CIDEB: variants seen among roughly 807,000 people sequenced by gnomAD.
CIDEB encodes the protein lipid transferase CIDEB.
In CIDEB, 27 loss-of-function variants were observed where a neutral mutation model predicts 22.4. That is an observed-to-expected ratio of 1.21 (90% CI 0.89 to 1.66). The LOEUF (loss-of-function observed/expected upper bound fraction) is 1.66, where lower values mean the gene tolerates loss of function less well. Ranked by LOEUF, CIDEB falls within the 40% of genes most tolerant of loss-of-function variation. The pLI is 0.00. For missense variants in CIDEB, 289 were observed against 268.7 expected, an observed-to-expected ratio of 1.08 and a Z score of -0.53; for synonymous variants, 103 against 109.5, an observed-to-expected ratio of 0.94 and a Z score of 0.37.
chr14:24,307,192 A>G, intron 2 of CIDEB, 179 bp downstream of exon 2: 4 of 603,612 alleles, frequency 6.6e-6, no homozygotes, highest in Non-Finnish European at 1.1e-5. Context: ...AGAAAAGCTC[A>G]CTCGGTGGAA....
chr14:24,311,019 C>A, upstream of CIDEB: 1 of 1,584,516 alleles, frequency 6.3e-7, no homozygotes, highest in Non-Finnish European at 8.5e-7. Context: ...CAGCCTGCAG[C>A]GCTGCCTCGC....
chr14:24,306,778 C>G (rs1335763198), intron 2 of CIDEB: 4 of 516,364 alleles, frequency 7.7e-6, no homozygotes, highest in African/African-American at 3.8e-5. Flanking sequence ...CAAGTCACTT[C>G]TGGTTTGGAA....
upstream of CIDEB, chr14:24,311,132 C>T: frequency 1.9e-6 from 3 of 1,587,004 alleles, no homozygotes; most frequent in Admixed American, 1.7e-5. Context: ...CCGTCCCGGC[C>T]GCCGTCTACC....
In CIDEB at chr14:24,306,084, G is replaced by A. The variant is rs144978298; in HGVS notation, c.390C>T (p.Asp130=). The change falls in exon 4 of 5, where the codon GAC becomes GAT. Residue 130 remains aspartate (D), a synonymous_variant. Coordinates refer to ENST00000554411, the MANE Select transcript of CIDEB (RefSeq NM_001393339.1). ...LGRERPKHSK[D]IARFTFDVYK... Reference sequence around the variant, plus strand: ...ACACGTCAAAGGTGAATCGGGCGATGTCCTTGCTGTGCTTGGGCCTCTCCC... The same window carrying A: ...ACACGTCAAAGGTGAATCGGGCGATATCCTTGCTGTGCTTGGGCCTCTCCC... 6.2e-7 allele frequency: 1 copy of A among 1,614,054 alleles called. No individual in the cohort carries two copies. The highest frequency in any genetic ancestry group is 1.3e-5 in the African/African-American group (1 of 74,920).
chr14:24,307,852 A>G lies in CIDEB; in HGVS notation c.7T>C (p.Tyr3His), dbSNP rs752344255. The G allele has an allele frequency of 2.5e-6, 4 of 1,592,710 alleles. No homozygotes were observed. The Admixed American group carries it at 7.1e-5, about 28-fold the overall frequency. Reference protein sequence around the residue: MEYLSALNPSDLL... With the variant: MEHLSALNPSDLL... ...TCACTGGGGTTCAGAGCTGAGAGGTACTCCATGGTGGACCGGAGAGTTCCT... is the reference window on the plus strand; with the variant it reads ...TCACTGGGGTTCAGAGCTGAGAGGTGCTCCATGGTGGACCGGAGAGTTCCT... Residue 3 changes from tyrosine (Y) to histidine (H), a missense_variant, in exon 1 of 5, where the codon TAC (tyrosine) becomes CAC (histidine). Transcript: ENST00000554411.
At chr14:24,310,377 G>A, upstream of CIDEB, 1 of 613,634 alleles carries the variant, frequency 1.6e-6, no homozygotes, top group Non-Finnish European at 2.9e-6. Context: ...GATAGTGACA[G>A]CCTGGGGTGA....
upstream of CIDEB, chr14:24,311,099 C>G: frequency 1.3e-6 from 2 of 1,564,714 alleles, no homozygotes; most frequent in Non-Finnish European, 1.7e-6. Flanking sequence ...TGCTGGCGGT[C>G]TGGCTGGCCG....
upstream of CIDEB, chr14:24,308,180 G>A (rs1471710103): frequency 7.9e-6 from 3 of 377,810 alleles, no homozygotes; most frequent in South Asian, 5.8e-5. Flanking sequence ...GTGACTTCTG[G>A]TGTTTTTTTA....
upstream of CIDEB, chr14:24,308,005 G>A: frequency 4.1e-6 from 3 of 736,540 alleles, no homozygotes; most frequent in South Asian, 3.3e-5. Context: ...TGGCCCCCCT[G>A]CCTGGCCAGT....
upstream of CIDEB, chr14:24,308,835 CAAAG>C (rs1450577872): frequency 9.9e-5 from 15 of 152,156 alleles, no homozygotes; most frequent in Admixed American, 7.2e-4. Context: ...TGTGTCCTGA[CAAAG>C]AAACACAGAG....
Position 24,305,501 on chromosome 14 carries a change from G to C in CIDEB, c.*132C>G, listed in dbSNP as rs2041469596. ...TATGCTGAAAGGTTCTGTCACGAGG[G>C]GATCAGAGGACAGTGGGGAAATTGG... On this transcript the variant is annotated 3_prime_UTR_variant, in exon 5 of 5. Transcript: ENST00000554411. 6.4e-6 allele frequency: 7 copies of C among 1,085,942 alleles called. No homozygotes were observed. The Middle Eastern group carries it at 9.4e-4, about 146-fold the overall frequency. The allele number at this position is 1,085,942 out of a possible 1,614,324, so 67.3% of individuals were successfully genotyped here.
chr14:24,306,519 A>G lies in CIDEB; in HGVS notation c.191T>C (p.Leu64Ser). ...ATRQELLAKA[L>S]ETLLLNGVLT... ...CACTCCATTCAGCAGTAGGGTCTCC[A>G]ATGCCTGCCCAATGGCAAGAAGCAA... Residue 64 changes from leucine (L) to serine (S), a missense_variant, in exon 3 of 5, where the codon TTG (leucine) becomes TCG (serine). Coordinates refer to ENST00000554411, the MANE Select transcript of CIDEB (RefSeq NM_001393339.1). 2 of 1,614,192 alleles carry G rather than the reference A, an allele frequency of 1.2e-6. No individual in the cohort carries two copies. The highest frequency in any genetic ancestry group is 1.7e-6 in the Non-Finnish European group (2 of 1,180,028).
upstream of CIDEB, chr14:24,310,579 C>T (rs2041658339): frequency 2.9e-6 from 4 of 1,396,790 alleles, no homozygotes; most frequent in Non-Finnish European, 4.1e-6. Context: ...GGCATGGCAC[C>T]TTCTCATCGG....
chr14:24,305,965 C>T lies in CIDEB; in HGVS notation c.509G>A (p.Gly170Asp). 2 of 1,613,640 alleles carry T rather than the reference C, an allele frequency of 1.2e-6. No homozygotes were observed. Among genetic ancestry groups the T allele is most frequent in the Non-Finnish European group, 1.7e-6 (2 of 1,179,752 alleles). The stretch of plus-strand genomic sequence containing the variant: ...TTCTGACCTGAGTACTTTCTTTGGG[C>T]CAAGTCCTTGAAAGTCACAACTCAT... ...YSMSCDFQGLGPKKVLRELLR... is the reference protein window; with the variant it reads ...YSMSCDFQGLDPKKVLRELLR... Residue 170 changes from glycine to aspartate, a missense_variant, in exon 4 of 5, where the codon GGC (glycine) becomes GAC (aspartate). Coordinates refer to ENST00000554411, the MANE Select transcript of CIDEB (RefSeq NM_001393339.1).
At chr14:24,310,364 A>C, upstream of CIDEB, 15 of 607,424 alleles carry the variant, frequency 2.5e-5, no homozygotes, top group Middle Eastern at 4.3e-4. Context: ...GAGTGGTGGT[A>C]GAGATAGTGA....
At chr14:24,311,075 G>T (rs753822712), upstream of CIDEB, 1 of 1,561,932 alleles carries the variant, frequency 6.4e-7, no homozygotes, top group Non-Finnish European at 8.6e-7. Context: ...GCCCGGCCCT[G>T]GCCCGCCGCC....
At chr14:24,306,291 A>G in intron 3 of CIDEB, 83 bp downstream of exon 3, 1 of 1,574,044 alleles carries the variant, frequency 6.4e-7, no homozygotes, top group South Asian at 1.1e-5. Context: ...CCTGGTCCCC[A>G]GGATCAGGGT....
At chr14:24,310,776 A>T (rs1229615014), upstream of CIDEB, 1 of 1,606,840 alleles carries the variant, frequency 6.2e-7, no homozygotes, top group Non-Finnish European at 8.5e-7. Flanking sequence ...GCTGCCTGGC[A>T]ACGGCTTCGT....
chr14:24,310,985 C>T (rs756038598), upstream of CIDEB: 3 of 1,590,044 alleles, frequency 1.9e-6, no homozygotes, highest in Middle Eastern at 1.7e-4. Flanking sequence ...GCATGTACGC[C>T]AGCGTGCTGC....
Sources: allele counts gnomAD v4.1 joint callset, GRCh38; gene constraint gnomAD v4.1.1; transcripts MANE v1.5; gene names NCBI Gene and HGNC (gene_info 2026-07-23, HGNC 2026-07-21).